The following SLX9 variants were observed in gnomAD, a reference collection of about 807,000 sequenced individuals.
The protein encoded by SLX9 is SLX9 ribosome biogenesis factor.
SLX9 carries 19 observed loss-of-function variants against 20.8 expected under a neutral mutation model. The ratio of observed to expected loss-of-function variants is 0.91; its 90% CI spans 0.64 to 1.34. The LOEUF (loss-of-function observed/expected upper bound fraction) is 1.34, where lower values mean the gene tolerates loss of function less well. Ranked by LOEUF, SLX9 falls within the 40% of genes most tolerant of loss-of-function variation. The pLI, the probability that SLX9 is intolerant of heterozygous loss-of-function variation, is 0.00. For missense variants in SLX9, 299 were observed against 322.2 expected (o/e 0.93, Z 0.55); for synonymous variants, 113 against 137.1 (o/e 0.82, Z 1.23).
At chr21:44,967,971 T>A (rs1290533892) in intron 4 of SLX9, among the ~76,000 whole-genome samples, 1 of 152,052 alleles carries the variant, frequency 6.6e-6, no homozygotes, top group East Asian at 1.9e-4. Context: ...CACCCTTGGC[T>A]GCTGGCATCA....
chr21:44,957,400 C>A (rs954750526), intron 2 of SLX9, among the ~76,000 whole-genome samples: 1 of 152,232 alleles, frequency 6.6e-6, no homozygotes, highest in Non-Finnish European at 1.5e-5. Flanking sequence ...CGCTCCGTGG[C>A]AGCTGCATCC....
intron 2 of SLX9, among the ~76,000 whole-genome samples, chr21:44,957,933 C>T (rs1445170898): frequency 6.6e-6 from 1 of 152,242 alleles, no homozygotes; most frequent in African/African-American, 2.4e-5. Flanking sequence ...GTGAAGCAGA[C>T]AGGGCACAGA....
intron 1 of SLX9, among the ~76,000 whole-genome samples, chr21:44,941,987 G>A (rs1004701412): frequency 6.6e-6 from 1 of 152,232 alleles, no homozygotes; most frequent in Non-Finnish European, 1.5e-5. Context: ...CACCAGAGAT[G>A]GGGCAGGAGC....
intron 2 of SLX9, among the ~76,000 whole-genome samples, chr21:44,950,470 G>T (rs899682998): frequency 6.6e-6 from 1 of 152,262 alleles, no homozygotes; most frequent in Non-Finnish European, 1.5e-5. Flanking sequence ...GTGGTGCGGC[G>T]GCTGGGAGTG....
intron 2 of SLX9, among the ~76,000 whole-genome samples, chr21:44,947,104 TTC>T (rs963572253): frequency 6.6e-6 from 1 of 152,148 alleles, no homozygotes; most frequent in African/African-American, 2.4e-5. Context: ...CCAGGAACAG[TTC>T]TGTTTTTTTG....
Position 44,940,083 on chromosome 21 carries a change from C to T in SLX9, c.26C>T (p.Ala9Val). Residue 9 changes from alanine (A) to valine (V), a missense_variant, in exon 1 of 6, where the codon GCC becomes GTC. Ala to Val is a moderately conservative substitution (Grantham distance 64). Transcript: ENST00000291634. MGKVRGLR[A>V]RVHQAAVRPK... ...ATGGGGAAAGTGAGGGGGTTGCGCGCCCGAGTGCACCAGGCTGCCGTGAGG... is the reference window on the plus strand; with the variant it reads ...ATGGGGAAAGTGAGGGGGTTGCGCGTCCGAGTGCACCAGGCTGCCGTGAGG... 3 of 1,458,758 alleles carry T rather than the reference C, an allele frequency of 2.1e-6. No homozygotes were observed. Among genetic ancestry groups the T allele is most frequent in the Non-Finnish European group, 2.7e-6 (3 of 1,103,880 alleles). 90.4% of individuals were successfully genotyped at this position (1,458,758 alleles called of 1,614,324 possible). A position where few individuals can be genotyped will look rare whatever the true frequency, so the allele number is the denominator to read the frequency against.
chr21:44,976,639 G>T, intron 5 of SLX9, 41 bp from the exon 6 acceptor site: 1 of 1,561,330 alleles, frequency 6.4e-7, no homozygotes, highest in East Asian at 2.4e-5. Flanking sequence ...TGAGGGGTCC[G>T]GGGGTTCCTG....
chr21:44,958,718 G>A (rs139422360), intron 2 of SLX9, among the ~76,000 whole-genome samples: 4,081 of 152,344 alleles, frequency 0.027, 91 homozygotes, highest in Non-Finnish European at 0.039. Context: ...GCCGCCGCCA[G>A]CAGTTCCAGG....
intron 1 of SLX9, among the ~76,000 whole-genome samples, chr21:44,940,750 T>C (rs890229565): frequency 6.6e-6 from 1 of 151,892 alleles, no homozygotes. Flanking sequence ...TTATTTTGCG[T>C]GTTCACTGAG....
At chr21:44,948,255 G>T (rs1328710192) in intron 2 of SLX9, among the ~76,000 whole-genome samples, 3 of 149,028 alleles carry the variant, frequency 2.0e-5, no homozygotes, top group Non-Finnish European at 4.4e-5. Flanking sequence ...CGGGGAGCTG[G>T]TCGTGAAGCA....
chr21:44,951,898 T>G (rs907216888), intron 2 of SLX9, among the ~76,000 whole-genome samples: 2 of 131,680 alleles, frequency 1.5e-5, no homozygotes, highest in African/African-American at 4.4e-5. Context: ...CTCATAGAAC[T>G]TTGAGCACAG....
intron 5 of SLX9, among the ~76,000 whole-genome samples, chr21:44,974,949 G>A (rs1391295550): frequency 5.3e-5 from 8 of 152,188 alleles, no homozygotes; most frequent in African/African-American, 1.4e-4. Flanking sequence ...CGCACCCCTC[G>A]GTGCCCCCAT....
chr21:44,973,000 G>GATCA, intron 4 of SLX9, 197 bp from the exon 5 acceptor site: 4 of 675,670 alleles, frequency 5.9e-6, no homozygotes, highest in Non-Finnish European at 7.6e-6. Flanking sequence ...GTCACAGGAC[G>GATCA]GTCAGGCAGT....
intron 4 of SLX9, among the ~76,000 whole-genome samples, chr21:44,969,522 G>A (rs758859576): frequency 1.6e-4 from 24 of 152,228 alleles, no homozygotes; most frequent in Middle Eastern, 3.4e-3. Flanking sequence ...GGGAGTCCCC[G>A]TCCCTCCTCA....
chr21:44,976,754 G>A lies in SLX9; in HGVS notation c.644G>A (p.Gly215Glu). 6.4e-7 allele frequency: 1 copy of A among 1,557,028 alleles called. No individual in the cohort carries two copies. The highest frequency in any genetic ancestry group is 8.7e-7 in the Non-Finnish European group (1 of 1,152,034). The change falls in exon 6 of 6, where the codon GGG (glycine) becomes GAG (glutamate). Residue 215 changes from glycine to glutamate, a missense_variant. Coordinates refer to ENST00000291634, the MANE Select transcript of SLX9 (RefSeq NM_058190.4). ...AGAGCCAGCCCCCTGGTGGCCATCG[G>A]GCAGACGCTGGCCCGGCAGATGCAG... ...AYRASPLVAI[G>E]QTLARQMQLE... is the part of the protein sequence containing the mutation.
At chr21:44,974,225 G>A (rs150874501) in intron 5 of SLX9, among the ~76,000 whole-genome samples, 344 of 147,112 alleles carry the variant, frequency 2.3e-3, no homozygotes, top group Middle Eastern at 0.014. Flanking sequence ...TTACTCAGGT[G>A]TTTATCAGTG....
Position 44,943,746 on chromosome 21 carries a change from G to A in SLX9, c.192G>A (p.Val64=), listed in dbSNP as rs926517567. The A allele has an allele frequency of 2.5e-6, 4 of 1,614,110 alleles. No individual in the cohort carries two copies. The highest frequency in any genetic ancestry group is 1.3e-5 in the African/African-American group (1 of 74,942). Residue 64 remains valine, a synonymous_variant, in exon 2 of 6, where the codon GTG becomes GTA. Coordinates refer to ENST00000291634, the MANE Select transcript of SLX9 (RefSeq NM_058190.4). ...ARTKIDPSAL[V]QKLELDVRSV... Reference sequence around the variant, plus strand: ...CCAAGATAGACCCCAGCGCCTTGGTGCAGAAGCTGGAGCTGGACGTGAGGA... The same window carrying A: ...CCAAGATAGACCCCAGCGCCTTGGTACAGAAGCTGGAGCTGGACGTGAGGA...
intron 5 of SLX9, among the ~76,000 whole-genome samples, chr21:44,975,186 A>C (rs560037886): frequency 1.4e-4 from 22 of 152,310 alleles, no homozygotes; most frequent in African/African-American, 5.3e-4. Context: ...TTCGATCCCA[A>C]GATCCCAGTG....
In SLX9 at chr21:44,940,132, C is replaced by T. The variant is rs769818293; in HGVS notation, c.75C>T (p.Gly25=). ...GGCCGAAAGGGGAGGCCGCCCCCGG[C>T]CCCGCGCCCCCTGCCCCGGAGGCGA... is the stretch of plus-strand genomic sequence containing the variant. ...AVRPKGEAAP[G]PAPPAPEATP... Residue 25 remains glycine, a synonymous_variant, in exon 1 of 6, where the codon GGC becomes GGT. Coordinates refer to ENST00000291634, the MANE Select transcript of SLX9 (RefSeq NM_058190.4). The T allele has an allele frequency of 7.4e-7, 1 of 1,353,522 alleles. No homozygotes were observed. Among genetic ancestry groups the T allele is most frequent in the Non-Finnish European group, 9.6e-7 (1 of 1,046,272 alleles). The allele number at this position is 1,353,522 out of a possible 1,614,324, so 83.8% of individuals were successfully genotyped here.
Sources: gnomAD v4.1 joint callset for allele counts (sites outside exome capture counted in the v4.1 genomes callset) on GRCh38, gnomAD v4.1.1 for gene constraint, MANE v1.5 for transcripts, NCBI Gene and HGNC (gene_info 2026-07-23, HGNC 2026-07-21) for gene names.